Variants in CDH20 observed in about 807,000 individuals in gnomAD.
CDH20 encodes the protein cadherin 20.
In CDH20, 29 loss-of-function variants were observed where a neutral mutation model predicts 74.2. The ratio of observed to expected loss-of-function variants is 0.39; its 90% CI spans 0.29 to 0.53. The LOEUF (loss-of-function observed/expected upper bound fraction) is 0.53. Among genes scored for constraint, CDH20 ranks in the 20% least tolerant of loss-of-function variants. CDH20 has a pLI of 0.69. For synonymous variants in CDH20, 469 were observed against 405.4 expected, an observed-to-expected ratio of 1.16 and a Z score of -1.88; for missense variants, 988 against 1,048.3, an observed-to-expected ratio of 0.94 and a Z score of 0.79.
At chr18:61,440,898 A>G (rs1184613754) in intron 1 of CDH20, among the ~76,000 whole-genome samples, 3 of 152,152 alleles carry the variant, frequency 2.0e-5, no homozygotes, top group Admixed American at 6.6e-5. Flanking sequence ...TCAAGGGAGC[A>G]GACTCTCTAC....
At chr18:61,336,823 G>A (rs924676489) in intron 1 of CDH20, among the ~76,000 whole-genome samples, 2 of 150,846 alleles carry the variant, frequency 1.3e-5, no homozygotes, top group African/African-American at 2.4e-5. Flanking sequence ...TATATGGGGG[G>A]GGGTGATGAG....
At chr18:61,410,964 G>A (rs1271296970) in intron 1 of CDH20, among the ~76,000 whole-genome samples, 1 of 152,200 alleles carries the variant, frequency 6.6e-6, no homozygotes, top group Non-Finnish European at 1.5e-5. Context: ...ACTTTGGGAG[G>A]CTGAGGCGGG....
rs1175560835 is a variant in CDH20 at position 61,370,554 on chromosome 18, C to T, written c.-153+36727C>T. ...CAATGTGATGTTTGGTAAACACATACATTGTGAATAATCACCACAAACTGA... is the reference window on the plus strand; with the variant it reads ...CAATGTGATGTTTGGTAAACACATATATTGTGAATAATCACCACAAACTGA... On this transcript the variant is annotated intron_variant, in intron 1 of 11. Coordinates refer to ENST00000262717, the MANE Select transcript of CDH20 (RefSeq NM_031891.4). Among the ~76,000 whole-genome samples, 4 of 152,188 alleles carry T rather than the reference C, an allele frequency of 2.6e-5. No homozygotes were observed. In the East Asian group the frequency reaches 7.7e-4, roughly 29 times the overall value.
intron 1 of CDH20, among the ~76,000 whole-genome samples, chr18:61,443,095 A>AAAGG (rs1262337249): frequency 6.6e-6 from 1 of 152,194 alleles, no homozygotes; most frequent in Non-Finnish European, 1.5e-5. Context: ...GTGAAAGAAT[A>AAAGG]AAGGAAGGAA....
chr18:61,476,986 C>T (rs549229023), intron 1 of CDH20, among the ~76,000 whole-genome samples: 28 of 152,262 alleles, frequency 1.8e-4, no homozygotes, highest in African/African-American at 6.7e-4. Flanking sequence ...TGAGAGTCCT[C>T]ATTGAGAACA....
At chr18:61,495,907 G>C (rs1429340792) in intron 2 of CDH20, among the ~76,000 whole-genome samples, 2 of 152,158 alleles carry the variant, frequency 1.3e-5, no homozygotes, top group East Asian at 3.9e-4. Flanking sequence ...CTCTGTGTAA[G>C]TAGATCCTGA....
At chr18:61,340,424 G>A (rs1235783430) in intron 1 of CDH20, among the ~76,000 whole-genome samples, 7 of 151,848 alleles carry the variant, frequency 4.6e-5, no homozygotes, top group Non-Finnish European at 1.0e-4. Flanking sequence ...TTAAGGTTGT[G>A]GGCAAAATAG....
chr18:61,345,784 G>A (rs576122551), intron 1 of CDH20, among the ~76,000 whole-genome samples: 1 of 152,302 alleles, frequency 6.6e-6, no homozygotes, highest in South Asian at 2.1e-4. Flanking sequence ...AGGATAGAGT[G>A]CGAACTAGGA....
Position 61,490,852 on chromosome 18 carries a change from T to C in CDH20, c.246+53T>C, listed in dbSNP as rs140570694. 876 of 1,588,194 alleles carry C rather than the reference T, an allele frequency of 5.5e-4. 5 individuals are homozygous for C. The African/African-American group carries it at 9.5e-3, about 17-fold the overall frequency. On this transcript the variant is annotated intron_variant, in intron 2 of 11. Transcript: ENST00000262717. ...GGGTATTGGATATTGAAATTGAATA[T>C]GAATTGAGTATCAAAGTTGACCTAG...
chr18:61,499,448 A>C lies in CDH20; in HGVS notation c.509A>C (p.Tyr170Ser). The change falls in exon 3 of 12, where the codon TAT (tyrosine) becomes TCT (serine). Residue 170 changes from tyrosine to serine, a missense_variant. This residue lies in a region of CDH20 where 613 missense variants were observed against 755.2 expected (regional missense o/e 0.81). Coordinates refer to ENST00000262717, the MANE Select transcript of CDH20 (RefSeq NM_031891.4). The stretch of plus-strand genomic sequence containing the variant: ...GAGCCCAAGTTCCTGGACGGACCTT[A>C]TGTGGCCACTGTGCCAGAAATGTCC... ...DNEPKFLDGPYVATVPEMSPV... is the reference protein window; with the variant it reads ...DNEPKFLDGPSVATVPEMSPV... The C allele has an allele frequency of 6.2e-7, 1 of 1,610,726 alleles. No homozygotes were observed. The highest frequency in any genetic ancestry group is 8.5e-7 in the Non-Finnish European group (1 of 1,178,154).
chr18:61,492,577 A>G (rs1048193763), intron 2 of CDH20, among the ~76,000 whole-genome samples: 3 of 151,634 alleles, frequency 2.0e-5, no homozygotes, highest in African/African-American at 7.3e-5. Context: ...GGCCCATGCT[A>G]CTCTCTCCCT....
intron 1 of CDH20, among the ~76,000 whole-genome samples, chr18:61,345,222 A>G (rs1398763925): frequency 6.6e-6 from 1 of 152,220 alleles, no homozygotes; most frequent in Non-Finnish European, 1.5e-5. Context: ...CATGCACTTA[A>G]ACGTTTATGG....
At chr18:61,462,952 T>C (rs1347398772) in intron 1 of CDH20, among the ~76,000 whole-genome samples, 1 of 152,228 alleles carries the variant, frequency 6.6e-6, no homozygotes, top group African/African-American at 2.4e-5. Context: ...TTGATAGCAG[T>C]TGAATGTCTA....
At chr18:61,443,167 T>G (rs1003682039) in intron 1 of CDH20, among the ~76,000 whole-genome samples, 1 of 152,140 alleles carries the variant, frequency 6.6e-6, no homozygotes, top group African/African-American at 2.4e-5. Flanking sequence ...GAGCAACAAT[T>G]GTGCTTGTTC....
chr18:61,525,606 G>C (rs992106706), intron 6 of CDH20, among the ~76,000 whole-genome samples: 1 of 152,078 alleles, frequency 6.6e-6, no homozygotes, highest in Non-Finnish European at 1.5e-5. Context: ...TTTGAATGGG[G>C]CTTCTTGGTT....
At chr18:61,365,026 A>G (rs539025032) in intron 1 of CDH20, among the ~76,000 whole-genome samples, 19 of 152,222 alleles carry the variant, frequency 1.2e-4, no homozygotes, top group Non-Finnish European at 2.1e-4. Flanking sequence ...CTTTCCTACT[A>G]TTATGTCTCT....
At chr18:61,379,445 C>A (rs921649460) in intron 1 of CDH20, among the ~76,000 whole-genome samples, 3 of 152,162 alleles carry the variant, frequency 2.0e-5, no homozygotes, top group Admixed American at 2.0e-4. Flanking sequence ...ACTTCTCTGG[C>A]TTTAAGATAC....
At chr18:61,496,629 T>C (rs1283702690) in intron 2 of CDH20, among the ~76,000 whole-genome samples, 1 of 152,124 alleles carries the variant, frequency 6.6e-6, no homozygotes, top group African/African-American at 2.4e-5. Flanking sequence ...CTTAAAGCGC[T>C]TAAAGCGCGC....
intron 1 of CDH20, among the ~76,000 whole-genome samples, chr18:61,391,999 C>T (rs1350195981): frequency 6.6e-6 from 1 of 152,148 alleles, no homozygotes; most frequent in Non-Finnish European, 1.5e-5. Context: ...TTCCACACTG[C>T]AGCTGTGGGG....
Sources: allele counts gnomAD v4.1 joint callset (sites outside exome capture counted in the v4.1 genomes callset), GRCh38; gene constraint gnomAD v4.1.1; regional missense constraint gnomAD v4.1.1; transcripts MANE v1.5; gene names NCBI Gene and HGNC (gene_info 2026-07-23, HGNC 2026-07-21).